Variants in MYZAP observed in about 807,000 individuals in gnomAD.
MYZAP encodes the protein myocardial zonula adherens protein.
Under a neutral mutation model 69.4 loss-of-function variants are expected in MYZAP, and 66 were observed. The observed-to-expected ratio is 0.95, with a 90% CI of 0.78 to 1.17. MYZAP has a LOEUF of 1.17. MYZAP is among the 50% of genes most tolerant of loss of function. The pLI is 0.00. For missense variants in MYZAP, 611 were observed against 556.2 expected, an observed-to-expected ratio of 1.10 and a Z score of -0.99; for synonymous variants, 256 against 205.9, an observed-to-expected ratio of 1.24 and a Z score of -2.09.
rs559045628 is a variant in MYZAP, at chr15:57,595,206, A to G, written c.75+3097A>G. 3.2e-4 allele frequency among the ~76,000 whole-genome samples: 48 copies of G among 152,332 alleles called. 1 individual carries two copies. In the South Asian group the frequency reaches 6.2e-3, roughly 20 times the overall value. ...TCACCTCTCAAGGAAAAAAAAACCAACAGGTGGAGAGAGTAATTTCTGTCA... is the reference window on the plus strand; with the variant it reads ...TCACCTCTCAAGGAAAAAAAAACCAGCAGGTGGAGAGAGTAATTTCTGTCA... On this transcript the variant is annotated intron_variant, in intron 1 of 12. Transcript: ENST00000267853.
intron 11 of MYZAP, among the ~76,000 whole-genome samples, chr15:57,665,003 A>C (rs1170877757): frequency 1.3e-5 from 2 of 152,224 alleles, no homozygotes; most frequent in Non-Finnish European, 2.9e-5. Context: ...TGTTTCTTTA[A>C]TTGCCTGCGT....
At chr15:57,639,334 G>A (rs66491200) in intron 9 of MYZAP, 106 bp from the exon 10 acceptor site, 40,143 of 1,232,416 alleles carry the variant, frequency 0.033, 848 homozygotes, top group African/African-American at 0.079. Context: ...GGCATGAGCC[G>A]CCATGCTTGG....
chr15:57,616,488 A>G (rs1231355238), intron 2 of MYZAP, among the ~76,000 whole-genome samples: 1 of 152,138 alleles, frequency 6.6e-6, no homozygotes, highest in Non-Finnish European at 1.5e-5. Context: ...AAATACAAAA[A>G]TTAGTTGGGC....
At chr15:57,659,174 T>C (rs1359143155) in intron 10 of MYZAP, among the ~76,000 whole-genome samples, 1 of 152,158 alleles carries the variant, frequency 6.6e-6, no homozygotes, top group Non-Finnish European at 1.5e-5. Flanking sequence ...TTCAGAATGT[T>C]CCATCCTTGG....
In MYZAP at chr15:57,616,822, C is replaced by CTTTTTTTTTTT. The variant is rs763856721; in HGVS notation, c.163-1196_163-1186dup. The stretch of plus-strand genomic sequence containing the variant: ...GAGACTCCATCTAAAAAAAAAAGTG[C>CTTTTTTTTTTT]TTTTTTTTTTTTTTTTTTTTTTTTT... On this transcript the variant is annotated intron_variant, in intron 2 of 12. Coordinates refer to ENST00000267853, the MANE Select transcript of MYZAP (RefSeq NM_001018100.5). Among the ~76,000 whole-genome samples, 212 of 50,054 alleles carry CTTTTTTTTTTT rather than the reference C, an allele frequency of 4.2e-3. 16 individuals carry two copies. The highest frequency in any genetic ancestry group is 0.02 in the South Asian group (21 of 1,076). 32.8% of individuals were successfully genotyped at this position (50,054 alleles called of 152,430 possible). A position where few individuals can be genotyped will look rare whatever the true frequency, so the allele number is the denominator to read the frequency against.
At chr15:57,617,902 C>T in intron 2 of MYZAP, 131 bp from the exon 3 acceptor site, 2 of 1,284,376 alleles carry the variant, frequency 1.6e-6, no homozygotes, top group Non-Finnish European at 2.1e-6. Flanking sequence ...TTTTTGCTCC[C>T]TCCATCTCCA....
chr15:57,618,523 G>A (rs2035616211), intron 3 of MYZAP, among the ~76,000 whole-genome samples: 1 of 152,174 alleles, frequency 6.6e-6, no homozygotes, highest in Non-Finnish European at 1.5e-5. Context: ...TCCCTGGCAA[G>A]AGGAATAGGA....
At chr15:57,603,737 A>T (rs867383694) in intron 1 of MYZAP, among the ~76,000 whole-genome samples, 2 of 152,202 alleles carry the variant, frequency 1.3e-5, no homozygotes, top group Admixed American at 1.3e-4. Context: ...TCATCTGTCA[A>T]TGGACATTTG....
intron 8 of MYZAP, 85 bp downstream of exon 8, chr15:57,633,826 G>T: frequency 7.5e-7 from 1 of 1,331,686 alleles, no homozygotes; most frequent in Non-Finnish European, 9.7e-7. Context: ...CCTGGATATG[G>T]ATTCCTCTCA....
chr15:57,646,768 G>A, intron 10 of MYZAP: 2 of 985,454 alleles, frequency 2.0e-6, no homozygotes, highest in Non-Finnish European at 2.4e-6. Context: ...CTTCTAAGAG[G>A]AGTTTAGCTT....
intron 11 of MYZAP, among the ~76,000 whole-genome samples, chr15:57,663,538 G>A (rs1422465468): frequency 2.0e-5 from 3 of 152,198 alleles, no homozygotes; most frequent in African/African-American, 7.2e-5. Flanking sequence ...GGATCTCTGG[G>A]AGATGGTGTG....
At chr15:57,632,367 G>T in intron 6 of MYZAP, 67 bp from the exon 7 acceptor site, 1 of 1,604,600 alleles carries the variant, frequency 6.2e-7, no homozygotes, top group Non-Finnish European at 8.5e-7. Context: ...CATGAAATGT[G>T]CAGTGGAAGC....
At chr15:57,625,938 A>G in intron 5 of MYZAP, 46 bp downstream of exon 5, 1 of 1,549,628 alleles carries the variant, frequency 6.5e-7, no homozygotes, top group Non-Finnish European at 8.9e-7. Context: ...AGCTTAATCA[A>G]GAGTGGGGAC....
chr15:57,680,000 T>G (rs1346105751), intron 12 of MYZAP, among the ~76,000 whole-genome samples: 1 of 152,228 alleles, frequency 6.6e-6, no homozygotes, highest in Admixed American at 6.5e-5. Flanking sequence ...CTGCTTTATC[T>G]GCAGCTTTGG....
At chr15:57,626,133 T>A (rs2036119799) in intron 5 of MYZAP, among the ~76,000 whole-genome samples, 1 of 152,098 alleles carries the variant, frequency 6.6e-6, no homozygotes, top group Non-Finnish European at 1.5e-5. Flanking sequence ...CCGAGTTTAG[T>A]GTGAGAGATG....
At chr15:57,593,746 T>A (rs2033874981) in intron 1 of MYZAP, among the ~76,000 whole-genome samples, 1 of 152,220 alleles carries the variant, frequency 6.6e-6, no homozygotes, top group Admixed American at 6.5e-5. Context: ...CATTCAGGGC[T>A]GTCCTGGGTA....
intron 2 of MYZAP, among the ~76,000 whole-genome samples, chr15:57,616,124 A>G (rs550146654): frequency 6.6e-6 from 1 of 152,350 alleles, no homozygotes; most frequent in South Asian, 2.1e-4. Flanking sequence ...CAAACTTTGA[A>G]TGAATGGGAT....
intron 1 of MYZAP, among the ~76,000 whole-genome samples, chr15:57,593,215 C>CACACACACACACACACACACA (rs1358695314): frequency 7.0e-6 from 1 of 141,912 alleles, no homozygotes; most frequent in African/African-American, 3.0e-5. Flanking sequence ...CACACACACA[C>CACACACACACACACACACACA]CCCAGAATCC....
chr15:57,625,743 A>G (rs768222403), intron 4 of MYZAP, 36 bp from the exon 5 acceptor site: 1 of 1,600,552 alleles, frequency 6.2e-7, no homozygotes, highest in Non-Finnish European at 8.6e-7. Context: ...ACGTGTAGGG[A>G]TTGATTTTGT....
Sources: gnomAD v4.1 joint callset for allele counts (sites outside exome capture counted in the v4.1 genomes callset) on GRCh38, gnomAD v4.1.1 for gene constraint, MANE v1.5 for transcripts, NCBI Gene and HGNC (gene_info 2026-07-23, HGNC 2026-07-21) for gene names.